Variants in PAPPA observed in about 807,000 individuals in gnomAD.
PAPPA encodes pappalysin 1.
A neutral mutation model predicts 164.0 loss-of-function variants in PAPPA; 60 were observed. That is an observed-to-expected ratio of 0.37 (90% confidence interval 0.30 to 0.45). PAPPA has a LOEUF of 0.45. PAPPA is among the 20% of genes least tolerant of loss of function. The pLI is 1.00. For synonymous variants in PAPPA, 875 were observed against 814.1 expected (o/e 1.07, Z -1.27); for missense variants, 1,782 against 2,087.3 (o/e 0.85, Z 2.85).
Position 116,302,855 on chromosome 9 carries a change from G to C in PAPPA, c.3052G>C (p.Gly1018Arg). The change falls in exon 10 of 22, where the codon GGA (glycine) becomes CGA (arginine). Residue 1018 changes from glycine to arginine, a missense_variant. Around this residue, in one of 2 missense-constraint regions of PAPPA, gnomAD observed 1,324 missense variants for 1,656.9 expected, o/e 0.80. Transcript: ENST00000328252. ...IKDCGVYTPQ[G>R]FLDQWASNAS... The stretch of plus-strand genomic sequence containing the variant: ...GGACTGTGGTGTCTACACGCCCCAG[G>C]GATTCCTGGATCAGTGGGCATCCAA... 1 of 1,613,980 alleles carries C rather than the reference G, an allele frequency of 6.2e-7. No homozygotes were observed. The highest frequency in any genetic ancestry group is 8.5e-7 in the Non-Finnish European group (1 of 1,179,872).
chr9:116,211,925 C>G lies in PAPPA; in HGVS notation c.1911C>G (p.Ser637Arg). 1 of 1,613,882 alleles carries G rather than the reference C, an allele frequency of 6.2e-7. No homozygotes were observed. The highest frequency in any genetic ancestry group is 8.5e-7 in the Non-Finnish European group (1 of 1,179,834). ...FFNTPYNNFM[S>R]YADDDCTDSF... Reference sequence around the variant, plus strand: ...ACACTCCTTACAACAACTTCATGAGCTATGCAGGTAGGGCCCTACACTCTG... The same window carrying G: ...ACACTCCTTACAACAACTTCATGAGGTATGCAGGTAGGGCCCTACACTCTG... Residue 637 changes from serine to arginine, a missense_variant, in exon 4 of 22, where the codon AGC becomes AGG. Physicochemically the swap from Ser to Arg is moderately radical, Grantham distance 110 (BLOSUM62 -1). Around this residue, in one of 2 missense-constraint regions of PAPPA, gnomAD observed 1,324 missense variants for 1,656.9 expected, o/e 0.80. Coordinates refer to ENST00000328252, the MANE Select transcript of PAPPA (RefSeq NM_002581.5).
chr9:116,188,267 C>T (rs1378475310), intron 2 of PAPPA, 51 bp downstream of exon 2: 7 of 1,386,570 alleles, frequency 5.0e-6, no homozygotes, highest in Non-Finnish European at 7.0e-6. Flanking sequence ...AACTTGATGT[C>T]CTCCATATTA....
At chr9:116,302,335 C>A (rs1564216765) in intron 9 of PAPPA, among the ~76,000 whole-genome samples, 1 of 152,104 alleles carries the variant, frequency 6.6e-6, no homozygotes, top group Admixed American at 6.5e-5. Context: ...ATAACTTTTT[C>A]ATGTTGCACA....
At position 116,302,749 on chromosome 9, in the gene PAPPA, T is replaced by C; in HGVS notation, c.2954-8T>C. On this transcript the variant is annotated splice_region_variant and splice_polypyrimidine_tract_variant and intron_variant, in intron 9 of 21. Coordinates refer to ENST00000328252, the MANE Select transcript of PAPPA (RefSeq NM_002581.5). ...TATTCTCTCCCTTTCTATGTCAATCTTTTGCAGATGAACCCAGCCGGTGCT... is the reference window on the plus strand; with the variant it reads ...TATTCTCTCCCTTTCTATGTCAATCCTTTGCAGATGAACCCAGCCGGTGCT... 6.2e-7 allele frequency: 1 copy of C among 1,605,246 alleles called. No individual in the cohort carries two copies. Among genetic ancestry groups the C allele is most frequent in the Non-Finnish European group, 8.5e-7 (1 of 1,173,194 alleles).
intron 2 of PAPPA, among the ~76,000 whole-genome samples, chr9:116,195,628 T>C (rs1844094947): frequency 6.6e-6 from 1 of 152,178 alleles, no homozygotes; most frequent in South Asian, 2.1e-4. Flanking sequence ...TAATACACAG[T>C]CAACCTTTTA....
intron 4 of PAPPA, among the ~76,000 whole-genome samples, chr9:116,214,738 T>C (rs1044165097): frequency 2.0e-5 from 3 of 152,154 alleles, no homozygotes; most frequent in Admixed American, 2.0e-4. Context: ...CAAGAGTTCC[T>C]GGAGGAGGAC....
At chr9:116,169,338 G>GTTTTTTTT (rs1843749730) in intron 1 of PAPPA, among the ~76,000 whole-genome samples, 1 of 2,176 alleles carries the variant, frequency 4.6e-4, no homozygotes, top group Non-Finnish European at 1.3e-3. Context: ...TTTTTTTTTT[G>GTTTTTTTT]AGATGGAGTC....
intron 14 of PAPPA, among the ~76,000 whole-genome samples, chr9:116,345,914 T>A (rs1846201705): frequency 6.6e-6 from 1 of 152,158 alleles, no homozygotes; most frequent in African/African-American, 2.4e-5. Context: ...CCAGGGCTGG[T>A]CAGTGGACTT....
intron 10 of PAPPA, chr9:116,318,472 G>A (rs1201483352): frequency 6.6e-6 from 1 of 151,846 alleles, no homozygotes; most frequent in Admixed American, 6.6e-5. Flanking sequence ...TTGATCCTAG[G>A]CTGGACAGAA....
chr9:116,383,943 A>G (rs1387903663), intron 21 of PAPPA, among the ~76,000 whole-genome samples: 1 of 152,228 alleles, frequency 6.6e-6, no homozygotes, highest in East Asian at 1.9e-4. Context: ...AGAAGAAAAC[A>G]AAAGAATTCA....
rs550669306 is a variant in PAPPA, at chr9:116,157,263, T to A, written c.415+2676T>A. Among the ~76,000 whole-genome samples the A allele has an allele frequency of 2.0e-5, 3 of 152,164 alleles. No homozygotes were observed. The South Asian group carries it at 6.2e-4, about 32-fold the overall frequency. On this transcript the variant is annotated intron_variant, in intron 1 of 21. Transcript: ENST00000328252. ...GCCCGGGATGCTATTTCTGCCCCGG[T>A]TCAAACTTCACTGACACCAGTTCAG...
At chr9:116,157,950 C>G (rs1211148524) in intron 1 of PAPPA, among the ~76,000 whole-genome samples, 2 of 152,090 alleles carry the variant, frequency 1.3e-5, no homozygotes, top group Non-Finnish European at 2.9e-5. Flanking sequence ...TCAATTTGCT[C>G]CATCGAGCAG....
chr9:116,389,363 C>T (rs909501264), intron 21 of PAPPA, among the ~76,000 whole-genome samples: 1 of 152,062 alleles, frequency 6.6e-6, no homozygotes, highest in Admixed American at 6.6e-5. Flanking sequence ...GAACTCCTGA[C>T]CTCGCAGAAT....
chr9:116,304,548 G>C (rs935710079), intron 10 of PAPPA, among the ~76,000 whole-genome samples: 1 of 152,198 alleles, frequency 6.6e-6, no homozygotes, highest in Non-Finnish European at 1.5e-5. Flanking sequence ...CCATGAGGAA[G>C]AGTTGAGGTA....
chr9:116,208,647 T>G (rs1226105173), intron 3 of PAPPA, among the ~76,000 whole-genome samples: 2 of 152,242 alleles, frequency 1.3e-5, no homozygotes, highest in African/African-American at 4.8e-5. Context: ...CAGTGCTGGA[T>G]GTATCCTCAG....
intron 9 of PAPPA, among the ~76,000 whole-genome samples, chr9:116,281,167 A>G (rs1177806932): frequency 6.6e-6 from 1 of 152,160 alleles, no homozygotes; most frequent in Non-Finnish European, 1.5e-5. Context: ...ATACTAAGGG[A>G]CTTTATATAA....
rs538753991 is a variant in PAPPA at position 116,396,509 on chromosome 9, G to A, written c.4777G>A (p.Val1593Ile). The change falls in exon 22 of 22, where the codon GTC (valine) becomes ATC (isoleucine). Residue 1593 changes from valine (V) to isoleucine (I), a missense_variant and splice_region_variant. Val to Ile is a conservative substitution (Grantham distance 29). Coordinates refer to ENST00000328252, the MANE Select transcript of PAPPA (RefSeq NM_002581.5). ...CCTSTVKTKK[V>I]TPFPMSCDLQ... ...CCTGATTCACTTCTTCTTTCTGCAG[G>A]TCACCCCATTCCCTATGTCCTGTGA... 4 of 780,542 alleles carry A rather than the reference G, an allele frequency of 5.1e-6. No homozygotes were observed. The highest frequency in any genetic ancestry group is 1.7e-5 in the African/African-American group (1 of 59,220). 48.4% of individuals were successfully genotyped at this position (780,542 alleles called of 1,614,324 possible).
intron 1 of PAPPA, among the ~76,000 whole-genome samples, chr9:116,184,044 G>C (rs1267513416): frequency 1.3e-5 from 2 of 152,076 alleles, no homozygotes; most frequent in Non-Finnish European, 2.9e-5. Context: ...AAAGAGAGAG[G>C]GAAAAAGGAT....
intron 12 of PAPPA, among the ~76,000 whole-genome samples, chr9:116,334,540 C>T (rs1846034919): frequency 1.3e-5 from 2 of 151,770 alleles, no homozygotes; most frequent in African/African-American, 4.8e-5. Flanking sequence ...ACAAGCCCTA[C>T]AGCAATGTGG....
Sources: gnomAD v4.1 joint callset for allele counts (sites outside exome capture counted in the v4.1 genomes callset) on GRCh38, gnomAD v4.1.1 for gene constraint, gnomAD v4.1.1 regional missense constraint, MANE v1.5 for transcripts, NCBI Gene and HGNC (gene_info 2026-07-23, HGNC 2026-07-21) for gene names.